Variants in RALGAPA2 observed in about 807,000 individuals in gnomAD.
RALGAPA2 encodes Ral GTPase activating protein catalytic subunit alpha 2.
A neutral mutation model predicts 230.4 loss-of-function variants in RALGAPA2; 139 were observed. The ratio of observed to expected loss-of-function variants is 0.60; its 90% CI spans 0.53 to 0.69. RALGAPA2 has a LOEUF of 0.69. Ranked by LOEUF, RALGAPA2 falls within the 30% of genes least tolerant of loss-of-function variation. The probability of loss-of-function intolerance (pLI) is 0.00; values close to 1 mark genes in which losing one functional copy is unlikely to be tolerated. For synonymous variants in RALGAPA2, 847 were observed against 837.8 expected, an observed-to-expected ratio of 1.01 and a Z score of -0.19; for missense variants, 2,163 against 2,276.0, an observed-to-expected ratio of 0.95 and a Z score of 1.01.
chr20:20,531,555 A>G lies in RALGAPA2; in HGVS notation c.3582+132T>C. On this transcript the variant is annotated intron_variant, in intron 27 of 39. Coordinates refer to ENST00000202677, the MANE Select transcript of RALGAPA2 (RefSeq NM_020343.4). The stretch of plus-strand genomic sequence containing the variant: ...CGTTGGTGCCCCTCCCGGGAGCCTC[A>G]CAGCACATGCAATGGGAATCACAAT... The G allele has an allele frequency of 7.3e-6, 6 of 823,438 alleles. No homozygotes were observed. The South Asian group carries it at 9.8e-5, about 13-fold the overall frequency. The allele number at this position is 823,438 out of a possible 1,614,324, so 51.0% of individuals were successfully genotyped here. A position where few individuals can be genotyped will look rare whatever the true frequency, so the allele number is the denominator to read the frequency against.
chr20:20,516,183 T>A (rs901847830), intron 31 of RALGAPA2, among the ~76,000 whole-genome samples: 1 of 152,146 alleles, frequency 6.6e-6, no homozygotes, highest in East Asian at 1.9e-4. Context: ...CTGGCCCCAC[T>A]CAAGGAGAGT....
chr20:20,450,283 A>G (rs1757883434), intron 37 of RALGAPA2, among the ~76,000 whole-genome samples: 1 of 152,236 alleles, frequency 6.6e-6, no homozygotes, highest in African/African-American at 2.4e-5. Flanking sequence ...TTTAAACTTA[A>G]TATTTTCACT....
intron 11 of RALGAPA2, 118 bp downstream of exon 11, chr20:20,620,345 G>C: frequency 9.5e-7 from 1 of 1,047,534 alleles, no homozygotes; most frequent in South Asian, 1.7e-5. Context: ...AGAAGCATCA[G>C]ATGGGATAAA....
intron 36 of RALGAPA2, among the ~76,000 whole-genome samples, chr20:20,477,173 A>G (rs545617178): frequency 8.5e-5 from 13 of 152,340 alleles, no homozygotes; most frequent in Non-Finnish European, 1.8e-4. Flanking sequence ...AACATCCATC[A>G]TGTTGTATAC....
In RALGAPA2 at chr20:20,526,333, A is replaced by G. The variant is rs199676545; in HGVS notation, c.3612T>C (p.Ala1204=). Residue 1204 remains alanine, a synonymous_variant, in exon 28 of 40, where the codon GCT becomes GCC. Transcript: ENST00000202677. ...KFPNKIVAQV[A]CDVLQLLVSY... ...AAACCAGCAACTGAAGGACATCGCA[A>G]GCTACCTGGGCCACGATTTTGTTGG... 3.2e-5 allele frequency: 52 copies of G among 1,607,084 alleles called. No individual in the cohort carries two copies. The East Asian group carries it at 7.6e-4, about 23-fold the overall frequency.
At chr20:20,675,104 C>T (rs549059279) in intron 3 of RALGAPA2, among the ~76,000 whole-genome samples, 46 of 152,268 alleles carry the variant, frequency 3.0e-4, no homozygotes, top group African/African-American at 9.4e-4. Context: ...TTAATTAAAG[C>T]TCCTGTTAAA....
intron 12 of RALGAPA2, among the ~76,000 whole-genome samples, chr20:20,616,738 G>A (rs1034839814): frequency 2.6e-5 from 4 of 152,110 alleles, no homozygotes; most frequent in African/African-American, 4.8e-5. Flanking sequence ...AGAAACAGAC[G>A]AAGCCATCGA....
At position 20,614,754 on chromosome 20, in the gene RALGAPA2, C is replaced by T. The variant is rs73292786; in HGVS notation, c.1688+1289G>A. Among the ~76,000 whole-genome samples, 1,235 of 152,318 alleles carry T rather than the reference C, an allele frequency of 8.1e-3. 15 individuals carry two copies. The highest frequency in any genetic ancestry group is 0.028 in the African/African-American group (1,170 of 41,570). On this transcript the variant is annotated intron_variant, in intron 13 of 39. Coordinates refer to ENST00000202677, the MANE Select transcript of RALGAPA2 (RefSeq NM_020343.4). ...GACTTGGTGGCCTACAGTTCCTTTC[C>T]GATCAGACCTGCCTCGTGTCCATGG...
chr20:20,564,336 C>T (rs560938272), intron 23 of RALGAPA2, among the ~76,000 whole-genome samples: 5 of 152,226 alleles, frequency 3.3e-5, no homozygotes, highest in Non-Finnish European at 7.3e-5. Flanking sequence ...TCTTGAAAGT[C>T]CTGCTAAATC....
chr20:20,476,762 C>T (rs920760874), intron 36 of RALGAPA2, among the ~76,000 whole-genome samples: 2 of 150,828 alleles, frequency 1.3e-5, no homozygotes, highest in African/African-American at 4.9e-5. Flanking sequence ...TAAAACTCTG[C>T]CCATCACAAA....
At chr20:20,681,610 A>G (rs897015213) in intron 1 of RALGAPA2, among the ~76,000 whole-genome samples, 1 of 152,228 alleles carries the variant, frequency 6.6e-6, no homozygotes, top group Non-Finnish European at 1.5e-5. Flanking sequence ...TTTCCTCAGT[A>G]AACAAGGTTG....
At chr20:20,430,253 G>A (rs374460211) in intron 37 of RALGAPA2, among the ~76,000 whole-genome samples, 21 of 152,334 alleles carry the variant, frequency 1.4e-4, no homozygotes, top group East Asian at 1.4e-3. Flanking sequence ...AAACAGCAAC[G>A]TGGAGTAGAG....
chr20:20,541,762 GC>G (rs1459372526), intron 24 of RALGAPA2, among the ~76,000 whole-genome samples: 1 of 152,148 alleles, frequency 6.6e-6, no homozygotes, highest in Non-Finnish European at 1.5e-5. Flanking sequence ...TGTACTATTA[GC>G]CAACTGTATA....
At chr20:20,506,535 C>A (rs2062540390) in intron 33 of RALGAPA2, among the ~76,000 whole-genome samples, 1 of 152,078 alleles carries the variant, frequency 6.6e-6, no homozygotes, top group Admixed American at 6.5e-5. Flanking sequence ...GCCCAATCAC[C>A]CAAGAGTTTT....
At chr20:20,469,240 G>A (rs568581745) in intron 37 of RALGAPA2, among the ~76,000 whole-genome samples, 194 of 152,244 alleles carry the variant, frequency 1.3e-3, no homozygotes, top group African/African-American at 4.5e-3. Flanking sequence ...AATGTATGGA[G>A]ATGAATGGAA....
chr20:20,416,499 T>C (rs906248886), intron 37 of RALGAPA2, among the ~76,000 whole-genome samples: 2 of 152,204 alleles, frequency 1.3e-5, no homozygotes, highest in African/African-American at 4.8e-5. Context: ...TCTTGAATTC[T>C]AGAATAAATG....
chr20:20,397,380 A>C (rs972282522), intron 38 of RALGAPA2, among the ~76,000 whole-genome samples: 2 of 152,240 alleles, frequency 1.3e-5, no homozygotes, highest in Non-Finnish European at 2.9e-5. Context: ...GCAGGGTCTC[A>C]GTAGTCACAC....
chr20:20,712,606 C>CGCCGCT lies in RALGAPA2; in HGVS notation c.-127_-126insAGCGGC. The CGCCGCT allele has an allele frequency of 1.8e-6, 2 of 1,089,316 alleles. No homozygotes were observed. Among genetic ancestry groups the CGCCGCT allele is most frequent in the Non-Finnish European group, 1.1e-6 (1 of 879,810 alleles). 67.5% of individuals were successfully genotyped at this position (1,089,316 alleles called of 1,614,324 possible). A position where few individuals can be genotyped will look rare whatever the true frequency, so the allele number is the denominator to read the frequency against. ...TCGCCGCCCCCAGCCCCGCTGCTGC[C>CGCCGCT]GCCGCCGCCGCCGCCGCCGCCGCCT... On this transcript the variant is annotated 5_prime_UTR_variant, in exon 1 of 40. Coordinates refer to ENST00000202677, the MANE Select transcript of RALGAPA2 (RefSeq NM_020343.4). This position sits in a 1 kb window ranked among gnomAD's most constrained non-coding sequence, Gnocchi z 5.5.
chr20:20,455,682 G>C lies in RALGAPA2; in HGVS notation c.5495+17147C>G, dbSNP rs1463149786. Among the ~76,000 whole-genome samples the C allele has an allele frequency of 3.3e-5, 5 of 152,222 alleles. No homozygotes were observed. In the East Asian group the frequency reaches 5.8e-4, roughly 18 times the overall value. ...GAGGTTCACCAGAGCCATCAGGCCGGCTCTTACTATAAAAAGACACAATCC... is the reference window on the plus strand; with the variant it reads ...GAGGTTCACCAGAGCCATCAGGCCGCCTCTTACTATAAAAAGACACAATCC... On this transcript the variant is annotated intron_variant, in intron 37 of 39. Coordinates refer to ENST00000202677, the MANE Select transcript of RALGAPA2 (RefSeq NM_020343.4).
Sources: allele counts gnomAD v4.1 joint callset (sites outside exome capture counted in the v4.1 genomes callset), GRCh38; gene constraint gnomAD v4.1.1; non-coding constraint Gnocchi (gnomAD v3.1); transcripts MANE v1.5; gene names NCBI Gene and HGNC (gene_info 2026-07-23, HGNC 2026-07-21).